DPP10: variants seen among roughly 807,000 people sequenced by gnomAD.
DPP10 encodes the protein dipeptidyl peptidase like 10.
Under a neutral mutation model 120.9 loss-of-function variants are expected in DPP10, and 33 were observed. That is an observed-to-expected ratio of 0.27 (90% CI 0.21 to 0.37). The LOEUF (loss-of-function observed/expected upper bound fraction) is 0.37, where lower values mean the gene tolerates loss of function less well. Among genes scored for constraint, DPP10 ranks in the 10% least tolerant of loss-of-function variants. The pLI, the probability that DPP10 is intolerant of heterozygous loss-of-function variation, is 1.00. For missense variants in DPP10, 816 were observed against 942.8 expected, an observed-to-expected ratio of 0.87 and a Z score of 1.76; for synonymous variants, 337 against 326.1, an observed-to-expected ratio of 1.03 and a Z score of -0.36.
chr2:115,771,995 T>C (rs1317516352), intron 13 of DPP10, among the ~76,000 whole-genome samples: 4 of 151,628 alleles, frequency 2.6e-5, no homozygotes, highest in African/African-American at 9.7e-5. Context: ...TATATTTTAG[T>C]GGGTTTTTTT....
At chr2:114,557,741 G>T (rs549889162) in intron 1 of DPP10, among the ~76,000 whole-genome samples, 1 of 152,028 alleles carries the variant, frequency 6.6e-6, no homozygotes, top group African/African-American at 2.4e-5. Flanking sequence ...CTAATGGCTC[G>T]GCTCGCGACT....
intron 21 of DPP10, among the ~76,000 whole-genome samples, chr2:115,823,831 A>G (rs1386381841): frequency 6.6e-6 from 1 of 152,186 alleles, no homozygotes; most frequent in African/African-American, 2.4e-5. Flanking sequence ...CTTCCTTGTA[A>G]GATTCTAGGC....
At chr2:115,293,030 G>T (rs549905711) in intron 1 of DPP10, among the ~76,000 whole-genome samples, 2 of 152,160 alleles carry the variant, frequency 1.3e-5, no homozygotes, top group African/African-American at 4.8e-5. Context: ...TTGGGGCACA[G>T]AAACTTTGAT....
At chr2:115,741,717 G>T (rs1677301023) in intron 9 of DPP10, among the ~76,000 whole-genome samples, 1 of 152,100 alleles carries the variant, frequency 6.6e-6, no homozygotes, top group Non-Finnish European at 1.5e-5. Context: ...ACAACTGTTT[G>T]TAACTGATTT....
chr2:115,654,461 G>A (rs1349695311), intron 5 of DPP10, among the ~76,000 whole-genome samples: 2 of 151,654 alleles, frequency 1.3e-5, no homozygotes, highest in African/African-American at 4.8e-5. Flanking sequence ...TATTATTCAG[G>A]GAATGTCTTT....
At chr2:114,925,952 A>G (rs1240337125) in intron 1 of DPP10, among the ~76,000 whole-genome samples, 1 of 152,200 alleles carries the variant, frequency 6.6e-6, no homozygotes, top group Non-Finnish European at 1.5e-5. Flanking sequence ...CACGGTATTC[A>G]TGTCCCAGGT....
At chr2:114,825,210 T>C (rs1686424756) in intron 1 of DPP10, among the ~76,000 whole-genome samples, 1 of 152,208 alleles carries the variant, frequency 6.6e-6, no homozygotes, top group South Asian at 2.1e-4. Flanking sequence ...TATTTCTCCC[T>C]TCAAAATGTT....
chr2:115,144,104 A>G (rs1348581522), intron 1 of DPP10: 3 of 152,204 alleles, frequency 2.0e-5, no homozygotes, highest in Non-Finnish European at 4.4e-5. Flanking sequence ...TTAAACATAA[A>G]TTATTTGATT....
intron 5 of DPP10, among the ~76,000 whole-genome samples, chr2:115,534,408 A>G (rs1441104389): frequency 6.6e-5 from 10 of 150,604 alleles, no homozygotes; most frequent in Admixed American, 2.0e-4. Flanking sequence ...ATGATTTCCA[A>G]TTTCATCCAT....
chr2:115,826,088 T>C (rs1179660565), intron 21 of DPP10, among the ~76,000 whole-genome samples: 3 of 152,220 alleles, frequency 2.0e-5, no homozygotes, highest in East Asian at 3.9e-4. Context: ...ATCATGCTGA[T>C]TGAAACTGGC....
At chr2:114,503,441 G>T (rs1190531383) in intron 1 of DPP10, among the ~76,000 whole-genome samples, 2 of 152,162 alleles carry the variant, frequency 1.3e-5, no homozygotes, top group South Asian at 4.2e-4. Context: ...AAAAGGTTGA[G>T]AGATTCAAAT....
chr2:114,908,387 T>TC (rs1694129428), intron 1 of DPP10, among the ~76,000 whole-genome samples: 1 of 151,934 alleles, frequency 6.6e-6, no homozygotes, highest in Non-Finnish European at 1.5e-5. Context: ...GTTTCTCTGT[T>TC]CCCCCATACT....
At chr2:114,985,961 A>G (rs1700369201) in intron 1 of DPP10, among the ~76,000 whole-genome samples, 1 of 152,250 alleles carries the variant, frequency 6.6e-6, no homozygotes, top group Admixed American at 6.5e-5. Context: ...AGAATGCACA[A>G]GTAAGTGGAA....
intron 1 of DPP10, among the ~76,000 whole-genome samples, chr2:114,809,576 C>G (rs561466347): frequency 6.6e-6 from 1 of 152,132 alleles, no homozygotes; most frequent in East Asian, 1.9e-4. Flanking sequence ...TTGTGACAAT[C>G]GTGTGAAAGG....
At chr2:115,183,194 G>A (rs996439160) in intron 1 of DPP10, among the ~76,000 whole-genome samples, 5 of 152,092 alleles carry the variant, frequency 3.3e-5, no homozygotes, top group African/African-American at 1.2e-4. Context: ...CTGCTGTAAT[G>A]TGATGGTTTT....
intron 1 of DPP10, among the ~76,000 whole-genome samples, chr2:114,797,702 A>G (rs1405780176): frequency 6.6e-6 from 1 of 151,828 alleles, no homozygotes; most frequent in Non-Finnish European, 1.5e-5. Flanking sequence ...TAAATACATA[A>G]AATAAAAGTG....
chr2:114,845,903 CTT>C (rs1467095101), intron 1 of DPP10, among the ~76,000 whole-genome samples: 1 of 152,056 alleles, frequency 6.6e-6, no homozygotes, highest in East Asian at 1.9e-4. Flanking sequence ...CTAGCTGAGA[CTT>C]TGAAGAATAG....
intron 1 of DPP10, among the ~76,000 whole-genome samples, chr2:114,915,087 C>A (rs575079087): frequency 6.6e-6 from 1 of 151,688 alleles, no homozygotes; most frequent in African/African-American, 2.4e-5. Context: ...GCCGAGATCC[C>A]GCCACTGCAC....
At chr2:115,254,497 T>C (rs950950837) in intron 1 of DPP10, among the ~76,000 whole-genome samples, 1 of 152,196 alleles carries the variant, frequency 6.6e-6, no homozygotes, top group African/African-American at 2.4e-5. Context: ...GTGCTTGCAA[T>C]TTAAAATGCA....
Sources: allele counts gnomAD v4.1 joint callset (sites outside exome capture counted in the v4.1 genomes callset), GRCh38; gene constraint gnomAD v4.1.1; transcripts MANE v1.5; gene names NCBI Gene and HGNC (gene_info 2026-07-23, HGNC 2026-07-21).